The following DPY19L1 variants were observed in gnomAD, a reference collection of about 807,000 sequenced individuals.
DPY19L1 encodes dpy-19 like C-mannosyltransferase 1.
Under a neutral mutation model 96.9 loss-of-function variants are expected in DPY19L1, and 35 were observed. The observed-to-expected ratio is 0.36, with a 90% CI of 0.28 to 0.48. The LOEUF (loss-of-function observed/expected upper bound fraction) is 0.48, where lower values mean the gene tolerates loss of function less well. Ranked by LOEUF, DPY19L1 falls within the 20% of genes least tolerant of loss-of-function variation. The pLI, the probability that DPY19L1 is intolerant of heterozygous loss-of-function variation, is 0.99. For synonymous variants in DPY19L1, 205 were observed against 252.6 expected (o/e 0.81, Z 1.79); for missense variants, 521 against 777.9 (o/e 0.67, Z 3.93).
rs546834815 is a variant in DPY19L1 at position 35,016,837 on chromosome 7, A to G, written c.411+1045T>C. On this transcript the variant is annotated intron_variant, in intron 3 of 21. Transcript: ENST00000638088. ...TTGAAGAATGAGGATTATTGTGGGT[A>G]ATTCTATAGGACAAATCAGCTGGAT... Among the ~76,000 whole-genome samples, 22 of 152,350 alleles carry G rather than the reference A, an allele frequency of 1.4e-4. No individual in the cohort carries two copies. In the South Asian group the frequency reaches 4.1e-3, roughly 29 times the overall value.
At chr7:35,004,048 A>C (rs1465826624) in intron 6 of DPY19L1, among the ~76,000 whole-genome samples, 1 of 152,232 alleles carries the variant, frequency 6.6e-6, no homozygotes, top group Non-Finnish European at 1.5e-5. Flanking sequence ...CATCACTTCA[A>C]GAACCATAAA....
Position 35,018,565 on chromosome 7 carries a change from A to AG in DPY19L1, c.323+6_323+7insC. On this transcript the variant is annotated splice_region_variant and intron_variant, in intron 2 of 21. Coordinates refer to ENST00000638088, the MANE Select transcript of DPY19L1 (RefSeq NM_001366673.1). ...TAAAATACCATAGGAGAAAAAAACA[A>AG]TCTTACCAGTGCAACACTGCTGCAA... 1 of 1,607,242 alleles carries AG rather than the reference A, an allele frequency of 6.2e-7. No homozygotes were observed. Among genetic ancestry groups the AG allele is most frequent in the Non-Finnish European group, 8.5e-7 (1 of 1,176,866 alleles).
chr7:35,015,643 C>T (rs1033853189), intron 3 of DPY19L1, among the ~76,000 whole-genome samples: 2 of 152,232 alleles, frequency 1.3e-5, no homozygotes, highest in African/African-American at 4.8e-5. Flanking sequence ...GAATAATCCA[C>T]CTCTTGTTTA....
chr7:35,032,881 G>A (rs1470260529), intron 1 of DPY19L1, among the ~76,000 whole-genome samples: 2 of 151,842 alleles, frequency 1.3e-5, no homozygotes, highest in Non-Finnish European at 2.9e-5. Flanking sequence ...AACTCAAATT[G>A]ACCAATTTCT....
chr7:35,033,224 G>A (rs546051798), intron 1 of DPY19L1, among the ~76,000 whole-genome samples: 16 of 152,042 alleles, frequency 1.1e-4, no homozygotes, highest in South Asian at 8.3e-4. Context: ...TCTTTCTATC[G>A]GTCTCAGCTT....
At chr7:34,967,688 A>G (rs1382627481) in intron 9 of DPY19L1, among the ~76,000 whole-genome samples, 1 of 152,216 alleles carries the variant, frequency 6.6e-6, no homozygotes, top group African/African-American at 2.4e-5. Context: ...TCATAGAGAA[A>G]GCAATTCAAA....
In DPY19L1 at chr7:34,945,716, T is replaced by C; in HGVS notation, c.1495A>G (p.Ile499Val). The C allele has an allele frequency of 6.3e-7, 1 of 1,594,954 alleles. No homozygotes were observed. The highest frequency in any genetic ancestry group is 8.5e-7 in the Non-Finnish European group (1 of 1,169,674). ...LVVFVAIVRK[I>V]ISDMWGVLAK... ...AAGACACCCCACATATCACTAATAA[T>C]CTGTAAATAGATTTTGAAACACTTT... is the stretch of plus-strand genomic sequence containing the variant. The change falls in exon 16 of 22, where the codon ATT (isoleucine) becomes GTT (valine). Residue 499 changes from isoleucine to valine, a missense_variant and splice_region_variant. Physicochemically the swap from Ile to Val is conservative, Grantham distance 29. Transcript: ENST00000638088.
At chr7:34,939,780 A>G (rs1783957022) in intron 19 of DPY19L1, among the ~76,000 whole-genome samples, 2 of 152,242 alleles carry the variant, frequency 1.3e-5, no homozygotes, top group South Asian at 4.1e-4. Context: ...TCCACACATG[A>G]ATAAAATGTC....
chr7:34,963,866 C>T lies in DPY19L1; in HGVS notation c.1092+3028G>A, dbSNP rs149021021. 4.6e-3 allele frequency among the ~76,000 whole-genome samples: 708 copies of T among 152,290 alleles called. 10 individuals carry two copies. The highest frequency in any genetic ancestry group is 0.016 in the African/African-American group (650 of 41,568). The stretch of plus-strand genomic sequence containing the variant: ...GACAAATACTGTATGATTTCACTTA[C>T]ATGACATATATAAAGTAGTCAAAAT... On this transcript the variant is annotated intron_variant, in intron 10 of 21. Transcript: ENST00000638088.
At chr7:34,958,550 T>C (rs904797107) in intron 10 of DPY19L1, among the ~76,000 whole-genome samples, 1 of 152,250 alleles carries the variant, frequency 6.6e-6, no homozygotes, top group African/African-American at 2.4e-5. Flanking sequence ...AACACTGCTA[T>C]GATAGACATC....
In DPY19L1 at chr7:34,931,776, C is replaced by T. The variant is rs762650655; in HGVS notation, c.2091-47G>A. On this transcript the variant is annotated intron_variant, in intron 21 of 21. Transcript: ENST00000638088. ...TTAAAAATCAATATGCATTATATAA[C>T]TGCAGAGAAAGCAGAGCACTTCTTA... 11 of 1,540,058 alleles carry T rather than the reference C, an allele frequency of 7.1e-6. No homozygotes were observed. The South Asian group carries it at 1.2e-4, about 16-fold the overall frequency.
intron 21 of DPY19L1, among the ~76,000 whole-genome samples, chr7:34,936,921 C>A (rs1453433807): frequency 1.3e-5 from 2 of 152,170 alleles, no homozygotes; most frequent in African/African-American, 4.8e-5. Flanking sequence ...GATCAAGCCA[C>A]AAATATAGCA....
intron 4 of DPY19L1, 76 bp downstream of exon 4, chr7:35,013,492 T>C (rs1785765254): frequency 8.8e-7 from 1 of 1,139,592 alleles, no homozygotes; most frequent in South Asian, 1.4e-5. Context: ...GAATTATATC[T>C]TAGATTTAGA....
intron 1 of DPY19L1, among the ~76,000 whole-genome samples, chr7:35,019,422 T>C (rs1238599722): frequency 6.6e-6 from 1 of 151,944 alleles, no homozygotes; most frequent in African/African-American, 2.4e-5. Flanking sequence ...CACTGCTCTC[T>C]AGCCTGGGCA....
intron 6 of DPY19L1, among the ~76,000 whole-genome samples, chr7:34,990,597 C>A (rs767686980): frequency 1.3e-5 from 2 of 151,934 alleles, no homozygotes; most frequent in Non-Finnish European, 2.9e-5. Flanking sequence ...AGGCTTATAA[C>A]TCTAGGTAAG....
chr7:34,991,338 C>T lies in DPY19L1; in HGVS notation c.765-1397G>A, dbSNP rs1339920058. 2.0e-5 allele frequency among the ~76,000 whole-genome samples: 3 copies of T among 152,182 alleles called. 1 individual carries two copies. The South Asian group carries it at 6.2e-4, about 32-fold the overall frequency. ...ATAAGACTGTGTGATTTTTGCCTAC[C>T]GATTATCAGCCTAGACAGCACAAAT... is the stretch of plus-strand genomic sequence containing the variant. On this transcript the variant is annotated intron_variant, in intron 6 of 21. Coordinates refer to ENST00000638088, the MANE Select transcript of DPY19L1 (RefSeq NM_001366673.1).
intron 17 of DPY19L1, among the ~76,000 whole-genome samples, chr7:34,942,382 A>G (rs971934959): frequency 4.6e-5 from 7 of 152,252 alleles, no homozygotes; most frequent in African/African-American, 1.7e-4. Flanking sequence ...TCCAGAAATC[A>G]ACTGCCATTA....
intron 6 of DPY19L1, among the ~76,000 whole-genome samples, chr7:35,009,519 T>C (rs328937): frequency 0.26 from 39,829 of 152,176 alleles, 5,415 homozygotes; most frequent in Non-Finnish European, 0.31. Context: ...CTAAATATTG[T>C]ACAGAAGACA....
chr7:34,935,640 GT>G (rs909010911), intron 21 of DPY19L1, among the ~76,000 whole-genome samples: 1 of 152,016 alleles, frequency 6.6e-6, no homozygotes, highest in African/African-American at 2.4e-5. Flanking sequence ...TCCTAACTGA[GT>G]TCCCCATCTG....
Sources: gnomAD v4.1 joint callset for allele counts (sites outside exome capture counted in the v4.1 genomes callset) on GRCh38, gnomAD v4.1.1 for gene constraint, MANE v1.5 for transcripts, NCBI Gene and HGNC (gene_info 2026-07-23, HGNC 2026-07-21) for gene names.